NRXN2: variants seen among roughly 807,000 people sequenced by gnomAD.
The protein encoded by NRXN2 is neurexin-2-beta.
Under a neutral mutation model 128.8 loss-of-function variants are expected in NRXN2, and 29 were observed. The ratio of observed to expected loss-of-function variants is 0.23; its 90% CI spans 0.17 to 0.31. The LOEUF (loss-of-function observed/expected upper bound fraction) is 0.31, where lower values mean the gene tolerates loss of function less well. NRXN2 is among the 10% of genes least tolerant of loss of function. The pLI is 1.00. For missense variants in NRXN2, 1,881 were observed against 2,452.6 expected (o/e 0.77, Z 4.92); for synonymous variants, 1,098 against 1,075.2 (o/e 1.02, Z -0.41).
At chr11:64,644,023 C>T (rs2046263687) in intron 17 of NRXN2, among the ~76,000 whole-genome samples, 1 of 152,030 alleles carries the variant, frequency 6.6e-6, no homozygotes, top group Non-Finnish European at 1.5e-5. Flanking sequence ...CCCATATGGG[C>T]ACAGTGTGCG....
At chr11:64,647,532 G>A (rs1284484691) in intron 17 of NRXN2, among the ~76,000 whole-genome samples, 1 of 152,170 alleles carries the variant, frequency 6.6e-6, no homozygotes, top group East Asian at 1.9e-4. Flanking sequence ...CTGGGGAGGG[G>A]CCTCAAACAG....
chr11:64,636,602 T>C (rs536857066), intron 17 of NRXN2, among the ~76,000 whole-genome samples: 3 of 152,098 alleles, frequency 2.0e-5, no homozygotes, highest in Non-Finnish European at 4.4e-5. Flanking sequence ...CACAAAGCAC[T>C]TCTTGTGAGG....
At position 64,688,757 on chromosome 11, in the gene NRXN2, C is replaced by G. The variant is rs535111730; in HGVS notation, c.850+1648G>C. The stretch of plus-strand genomic sequence containing the variant: ...TGTCCCCAGTGAATGTGGCTAGAGA[C>G]TAGTTGTTGTGGTCCTGCATTTCTG... On this transcript the variant is annotated intron_variant, in intron 5 of 22. Transcript: ENST00000265459. 8.4e-4 allele frequency: 829 copies of G among 985,318 alleles called. 14 individuals are homozygous for G. In the South Asian group the frequency reaches 0.032, roughly 38 times the overall value. The allele number at this position is 985,318 out of a possible 1,614,324, so 61.0% of individuals were successfully genotyped here. A position where few individuals can be genotyped will look rare whatever the true frequency, so the allele number is the denominator to read the frequency against.
chr11:64,630,647 C>A lies in NRXN2; in HGVS notation c.3586-74G>T. Reference sequence around the variant, plus strand: ...TCCCTTCTAGTGGCTACTCCTGTGACCACCACTAGCCCAGCTCCGCAGCAC... The same window carrying A: ...TCCCTTCTAGTGGCTACTCCTGTGAACACCACTAGCCCAGCTCCGCAGCAC... On this transcript the variant is annotated intron_variant, in intron 18 of 22. Transcript: ENST00000265459. This position sits in a 1 kb window ranked among gnomAD's most constrained non-coding sequence, Gnocchi z 4.6. 1 of 1,539,792 alleles carries A rather than the reference C, an allele frequency of 6.5e-7. No homozygotes were observed.
chr11:64,644,404 C>A (rs573694146), intron 17 of NRXN2, among the ~76,000 whole-genome samples: 10 of 152,256 alleles, frequency 6.6e-5, no homozygotes, highest in Admixed American at 1.3e-4. Flanking sequence ...CCAGCCCCAA[C>A]CTCTCCCTCC....
intron 6 of NRXN2, among the ~76,000 whole-genome samples, chr11:64,683,398 T>C (rs1297675270): frequency 3.9e-5 from 6 of 152,012 alleles, no homozygotes; most frequent in Non-Finnish European, 8.8e-5. Flanking sequence ...GGCAGGAGGA[T>C]CATTTGAGGT....
At chr11:64,718,554 G>A (rs1241059628) in intron 1 of NRXN2, among the ~76,000 whole-genome samples, 1 of 152,190 alleles carries the variant, frequency 6.6e-6, no homozygotes, top group African/African-American at 2.4e-5. Context: ...GCAATCTAAA[G>A]CATCCAACAG....
chr11:64,634,623 G>A (rs1418797458), intron 18 of NRXN2, among the ~76,000 whole-genome samples: 3 of 151,992 alleles, frequency 2.0e-5, no homozygotes, highest in African/African-American at 7.3e-5. Context: ...GCAGAGCCAG[G>A]TGGGAGCTGA....
chr11:64,650,528 G>A lies in NRXN2; in HGVS notation c.3029C>T (p.Pro1010Leu). ...AATCTTGAGCGTGTGCACGTTGCCT[G>A]GGTCCCTGGACACCACCACGTTGTG... ...QWHNVVVSRDPGNVHTLKIDS... is the reference protein window; with the variant it reads ...QWHNVVVSRDLGNVHTLKIDS... Residue 1010 changes from proline (P) to leucine (L), a missense_variant, in exon 15 of 23, where the codon CCA (proline) becomes CTA (leucine). Coordinates refer to ENST00000265459, the MANE Select transcript of NRXN2 (RefSeq NM_015080.4). 1.9e-6 allele frequency: 3 copies of A among 1,614,196 alleles called. No individual in the cohort carries two copies. The highest frequency in any genetic ancestry group is 2.5e-6 in the Non-Finnish European group (3 of 1,180,034).
At chr11:64,647,737 G>A (rs941135649) in intron 17 of NRXN2, among the ~76,000 whole-genome samples, 43 of 152,348 alleles carry the variant, frequency 2.8e-4, no homozygotes, top group African/African-American at 1.0e-3. Flanking sequence ...TCTGGGGTGT[G>A]GTCCTGCTCT....
In NRXN2 at chr11:64,690,423, C is replaced by G. The variant is rs770774898; in HGVS notation, c.832G>C (p.Val278Leu). The G allele has an allele frequency of 6.2e-7, 1 of 1,613,240 alleles. No individual in the cohort carries two copies. Among genetic ancestry groups the G allele is most frequent in the Non-Finnish European group, 8.5e-7 (1 of 1,179,802 alleles). The stretch of plus-strand genomic sequence containing the variant: ...CACTGACCTTTTGTTGGCTGGTGCA[C>G]ATCGCCGGCTCCTCCTCTCCCGGCC... Reference protein sequence around the residue: ...GGAGRGGAGDVHQPTKGKEEF... With the variant: ...GGAGRGGAGDLHQPTKGKEEF... The change falls in exon 5 of 23, where the codon GTG (valine) becomes CTG (leucine). Residue 278 changes from valine to leucine, a missense_variant. This residue lies in a region of NRXN2 where 997 missense variants were observed against 1,240.8 expected (regional missense o/e 0.80). Transcript: ENST00000265459.
At chr11:64,626,342 AT>A in intron 20 of NRXN2, 120 bp downstream of exon 20, 1 of 769,112 alleles carries the variant, frequency 1.3e-6, no homozygotes, top group Non-Finnish European at 2.2e-6. Context: ...TGGCTGGCCA[AT>A]TGTCCCTTCA....
chr11:64,643,062 T>C, intron 17 of NRXN2: 1 of 989,756 alleles, frequency 1.0e-6, no homozygotes, highest in Non-Finnish European at 1.2e-6. Context: ...TCTCTCTGCA[T>C]CCCGGCGGGG....
At chr11:64,695,732 A>G (rs1189782581) in intron 3 of NRXN2, among the ~76,000 whole-genome samples, 4 of 151,088 alleles carry the variant, frequency 2.6e-5, no homozygotes, top group East Asian at 3.9e-4. Context: ...ACACACGCGC[A>G]CACACACACA....
At chr11:64,659,156 G>A (rs1430425528) in intron 11 of NRXN2, among the ~76,000 whole-genome samples, 2 of 152,174 alleles carry the variant, frequency 1.3e-5, no homozygotes, top group South Asian at 2.1e-4. Flanking sequence ...CTTCCTATAC[G>A]GCTGGTGCTA....
intron 7 of NRXN2, among the ~76,000 whole-genome samples, chr11:64,672,633 A>T (rs1331292302): frequency 2.0e-5 from 3 of 152,148 alleles, no homozygotes; most frequent in African/African-American, 2.4e-5. Context: ...CCATGAGCCA[A>T]AGGTGGTTAA....
chr11:64,630,404 G>A lies in NRXN2; in HGVS notation c.3755C>T (p.Ala1252Val). The change falls in exon 19 of 23, where the codon GCA becomes GTA. Residue 1252 changes from alanine (A) to valine (V), a missense_variant and splice_region_variant. This residue lies in a region of NRXN2 where 390 missense variants were observed against 599.6 expected (regional missense o/e 0.65). Coordinates refer to ENST00000265459, the MANE Select transcript of NRXN2 (RefSeq NM_015080.4). The surrounding 1 kb of genome is among the most constrained non-coding windows in gnomAD (Gnocchi z 4.6). ...DSWPVNERYP[A>V]GNFDNERLAI... ...CTCCGCGGGCCCGCGCCGCCTACCT[G>A]CCGGGTACCGCTCGTTGACCGGCCA... The A allele has an allele frequency of 6.2e-7, 1 of 1,610,656 alleles. No individual in the cohort carries two copies. Among genetic ancestry groups the A allele is most frequent in the Non-Finnish European group, 8.5e-7 (1 of 1,179,058 alleles).
chr11:64,611,069 C>G (rs1449239042), intron 22 of NRXN2, among the ~76,000 whole-genome samples: 1 of 152,224 alleles, frequency 6.6e-6, no homozygotes, highest in Non-Finnish European at 1.5e-5. Flanking sequence ...CAGGGAAGGG[C>G]CAACGGCCCG....
chr11:64,648,337 G>A lies in NRXN2; in HGVS notation c.3285C>T (p.Gly1095=), dbSNP rs761042927. 1.2e-6 allele frequency: 2 copies of A among 1,614,192 alleles called. No homozygotes were observed. The highest frequency in any genetic ancestry group is 3.3e-5 in the Admixed American group (2 of 60,036). ...ACTCTTCAGTGCAGGTGGTGCTGGGGCCTGGAAGGGGCAGGAGAAAGGAAC... is the reference window on the plus strand; with the variant it reads ...ACTCTTCAGTGCAGGTGGTGCTGGGACCTGGAAGGGGCAGGAGAAAGGAAC... ...RIGQVERGCD[G]PSTTCTEESC... is the part of the protein sequence containing the mutation. Residue 1095 remains glycine, a splice_region_variant and synonymous_variant, in exon 17 of 23, where the codon GGC becomes GGT. Coordinates refer to ENST00000265459, the MANE Select transcript of NRXN2 (RefSeq NM_015080.4). This position sits in a 1 kb window ranked among gnomAD's most constrained non-coding sequence, Gnocchi z 4.1.
Sources: gnomAD v4.1 joint callset for allele counts (sites outside exome capture counted in the v4.1 genomes callset) on GRCh38, gnomAD v4.1.1 for gene constraint, gnomAD v4.1.1 regional missense constraint, Gnocchi (gnomAD v3.1) non-coding constraint, MANE v1.5 for transcripts, NCBI Gene and HGNC (gene_info 2026-07-23, HGNC 2026-07-21) for gene names.